Variants in GOLM1 observed in about 807,000 individuals in gnomAD.
The protein encoded by GOLM1 is golgi membrane protein 1, also known as epididymis luminal protein 46.
In GOLM1, 31 loss-of-function variants were observed where a neutral mutation model predicts 50.5. The ratio of observed to expected loss-of-function variants is 0.61; its 90% CI spans 0.46 to 0.83. The LOEUF is 0.83. GOLM1 is among the 40% of genes least tolerant of loss of function. GOLM1 has a pLI of 0.00. For missense variants in GOLM1, 491 were observed against 501.3 expected (o/e 0.98, Z 0.20); for synonymous variants, 178 against 192.8 (o/e 0.92, Z 0.64).
chr9:86,049,102 G>A (rs1833652323), intron 4 of GOLM1, among the ~76,000 whole-genome samples: 1 of 152,210 alleles, frequency 6.6e-6, no homozygotes. Flanking sequence ...TGGATAGCCA[G>A]TTTTCCCAGC....
intron 3 of GOLM1, among the ~76,000 whole-genome samples, chr9:86,053,561 A>ACCAAAC (rs1833862094): frequency 0.016 from 4 of 254 alleles, no homozygotes; most frequent in Non-Finnish European, 0.023. Flanking sequence ...CACACTACAC[A>ACCAAAC]CACACACATC....
chr9:86,043,206 C>T (rs550018597), intron 5 of GOLM1, among the ~76,000 whole-genome samples: 14 of 152,326 alleles, frequency 9.2e-5, no homozygotes, highest in African/African-American at 3.1e-4. Flanking sequence ...GTGCTGACTC[C>T]AGGTGCTTCA....
intron 1 of GOLM1, among the ~76,000 whole-genome samples, chr9:86,087,529 G>T (rs1292201348): frequency 6.6e-6 from 1 of 152,304 alleles, no homozygotes; most frequent in Non-Finnish European, 1.5e-5. Flanking sequence ...AGTTTTCAAA[G>T]GGAATGCCTC....
chr9:86,028,277 G>A (rs992914273), intron 9 of GOLM1, among the ~76,000 whole-genome samples: 5 of 152,160 alleles, frequency 3.3e-5, no homozygotes, highest in South Asian at 2.1e-4. Flanking sequence ...ACACACAAGC[G>A]GCTGGACGTC....
At position 86,036,238 on chromosome 9, in the gene GOLM1, T is replaced by C. The variant is rs1343347734; in HGVS notation, c.757+110A>G. 6.4e-6 allele frequency: 7 copies of C among 1,102,152 alleles called. No individual in the cohort carries two copies. The East Asian group carries it at 9.4e-5, about 15-fold the overall frequency. 68.3% of individuals were successfully genotyped at this position (1,102,152 alleles called of 1,614,324 possible). A position where few individuals can be genotyped will look rare whatever the true frequency, so the allele number is the denominator to read the frequency against. ...GCCCAGAGAGACACGTCCCTGCTCC[T>C]GGCTGCGCCGCTGCCGGGTTCACTG... On this transcript the variant is annotated intron_variant, in intron 7 of 9. Transcript: ENST00000388712.
chr9:86,064,480 T>C (rs948145724), intron 3 of GOLM1, among the ~76,000 whole-genome samples: 1 of 152,188 alleles, frequency 6.6e-6, no homozygotes, highest in Admixed American at 6.5e-5. Flanking sequence ...CCAAATTCAG[T>C]GCAACATCAC....
intron 9 of GOLM1, among the ~76,000 whole-genome samples, chr9:86,028,395 C>T (rs192645852): frequency 3.9e-5 from 6 of 152,304 alleles, no homozygotes; most frequent in South Asian, 2.1e-4. Flanking sequence ...TAGGAGATCC[C>T]GGCTGCTGAG....
chr9:86,088,104 C>T (rs1254840277), intron 1 of GOLM1, among the ~76,000 whole-genome samples: 3 of 152,052 alleles, frequency 2.0e-5, no homozygotes, highest in Non-Finnish European at 4.4e-5. Context: ...TTCATTACTG[C>T]CTCAATTTCA....
At chr9:86,073,396 G>T (rs1419632668) in intron 3 of GOLM1, among the ~76,000 whole-genome samples, 2 of 152,080 alleles carry the variant, frequency 1.3e-5, no homozygotes, top group Non-Finnish European at 2.9e-5. Context: ...AGGTGAGGAC[G>T]GATTGCTCTG....
rs1832776355 is a variant in GOLM1 at position 86,026,229 on chromosome 9, C to CAAGAG, written c.*1583_*1587dup. Reference sequence around the variant, plus strand: ...ATGAATAGAGACTTTATTGAGAAAGCAAGAGAAAATTCCTATCAACCCCAA... The same window carrying CAAGAG: ...ATGAATAGAGACTTTATTGAGAAAGCAAGAGAAGAGAAAATTCCTATCAACCCCAA... On this transcript the variant is annotated 3_prime_UTR_variant, in exon 10 of 10. Transcript: ENST00000388712. 1 of 983,640 alleles carries CAAGAG rather than the reference C, an allele frequency of 1.0e-6. No homozygotes were observed. Among genetic ancestry groups the CAAGAG allele is most frequent in the African/African-American group, 1.8e-5 (1 of 57,094 alleles). 60.9% of individuals were successfully genotyped at this position (983,640 alleles called of 1,614,324 possible).
intron 3 of GOLM1, among the ~76,000 whole-genome samples, chr9:86,067,233 A>G (rs1834333689): frequency 1.3e-5 from 2 of 152,164 alleles, no homozygotes; most frequent in African/African-American, 4.8e-5. Context: ...CCCAGACCCA[A>G]ATTATTAATC....
At chr9:86,060,056 G>A (rs1245481249) in intron 3 of GOLM1, among the ~76,000 whole-genome samples, 1 of 151,834 alleles carries the variant, frequency 6.6e-6, no homozygotes, top group Non-Finnish European at 1.5e-5. Flanking sequence ...TTAAAAATAA[G>A]AAACAGGTGA....
At chr9:86,097,659 C>T (rs1835391782) in intron 1 of GOLM1, among the ~76,000 whole-genome samples, 1 of 152,186 alleles carries the variant, frequency 6.6e-6, no homozygotes, top group South Asian at 2.1e-4. Flanking sequence ...TCTCAGCACA[C>T]CTGCCTAAAG....
chr9:86,027,631 C>T lies in GOLM1; in HGVS notation c.*186G>A. 1 of 1,383,602 alleles carries T rather than the reference C, an allele frequency of 7.2e-7. No homozygotes were observed. Among genetic ancestry groups the T allele is most frequent in the Non-Finnish European group, 9.3e-7 (1 of 1,073,502 alleles). 85.7% of individuals were successfully genotyped at this position (1,383,602 alleles called of 1,614,324 possible). On this transcript the variant is annotated 3_prime_UTR_variant, in exon 10 of 10. Transcript: ENST00000388712. ...CTTATTAGACACTTCCAAAGTACCC[C>T]CCAAAAGCTGTTTAAAAGACCATTC...
intron 1 of GOLM1, among the ~76,000 whole-genome samples, chr9:86,088,905 T>G (rs1454089092): frequency 1.3e-5 from 2 of 152,202 alleles, no homozygotes; most frequent in African/African-American, 4.8e-5. Context: ...GGTACTGGTT[T>G]TTCCTTTCCA....
intron 1 of GOLM1, among the ~76,000 whole-genome samples, chr9:86,097,083 T>TC (rs59752519): frequency 1.4e-5 from 2 of 144,518 alleles, no homozygotes; most frequent in African/African-American, 2.5e-5. Context: ...TTTTTTTTTT[T>TC]CCTGAAAGTG....
At chr9:86,028,520 C>T (rs1832858653) in intron 9 of GOLM1, among the ~76,000 whole-genome samples, 1 of 152,206 alleles carries the variant, frequency 6.6e-6, no homozygotes, top group Admixed American at 6.5e-5. Flanking sequence ...TCTCCAAGCC[C>T]ACATGATCTG....
At chr9:86,055,357 G>C (rs1833955301) in intron 3 of GOLM1, among the ~76,000 whole-genome samples, 1 of 152,152 alleles carries the variant, frequency 6.6e-6, no homozygotes, top group African/African-American at 2.4e-5. Flanking sequence ...GATTTACGCA[G>C]CACCTGCTAC....
At chr9:86,047,077 T>G (rs2118703802) in intron 4 of GOLM1, among the ~76,000 whole-genome samples, 1 of 141,416 alleles carries the variant, frequency 7.1e-6, no homozygotes, top group African/African-American at 2.7e-5. Context: ...TCGTCATTTA[T>G]TCACAGCCAA....
Sources: gnomAD v4.1 joint callset for allele counts (sites outside exome capture counted in the v4.1 genomes callset) on GRCh38, gnomAD v4.1.1 for gene constraint, MANE v1.5 for transcripts, NCBI Gene and HGNC (gene_info 2026-07-23, HGNC 2026-07-21) for gene names.